The following RASSF5 variants were observed in gnomAD, a reference collection of about 807,000 sequenced individuals.
The protein encoded by RASSF5 is Ras association domain family member 5, also known as ras association domain-containing protein 5.
RASSF5 carries 25 observed loss-of-function variants against 40.5 expected under a neutral mutation model. The ratio of observed to expected loss-of-function variants is 0.62; its 90% CI spans 0.45 to 0.86. The LOEUF is 0.86. Among genes scored for constraint, RASSF5 ranks in the 40% least tolerant of loss-of-function variants. RASSF5 has a pLI of 0.00. For missense variants in RASSF5, 521 were observed against 572.8 expected (o/e 0.91, Z 0.92); for synonymous variants, 246 against 252.4 (o/e 0.97, Z 0.24).
rs1666510640 is a variant in RASSF5, at chr1:206,508,042, A to C, written c.440A>C (p.Gln147Pro). 1 of 1,413,550 alleles carries C rather than the reference A, an allele frequency of 7.1e-7. No homozygotes were observed. 87.6% of individuals were successfully genotyped at this position (1,413,550 alleles called of 1,614,324 possible). ...CTGTGCGGACGAGAGGTGCTGCGGC[A>C]GGCGCTGCGCTGCACTAGTAAGTGT... ...CDLCGREVLR[Q>P]ALRCTNCKFT... Residue 147 changes from glutamine to proline, a missense_variant, in exon 1 of 6, where the codon CAG becomes CCG. This residue lies in a region of RASSF5 where 284 missense variants were observed against 360.8 expected (regional missense o/e 0.79). Coordinates refer to ENST00000579436, the MANE Select transcript of RASSF5 (RefSeq NM_182663.4).
chr1:206,546,980 T>A (rs1428267799), intron 2 of RASSF5, among the ~76,000 whole-genome samples: 2 of 152,140 alleles, frequency 1.3e-5, no homozygotes, highest in African/African-American at 4.8e-5. Flanking sequence ...ATGTATAGTA[T>A]AAAACCCTGG....
At chr1:206,546,116 T>TGGG (rs1667685954) in intron 2 of RASSF5, among the ~76,000 whole-genome samples, 1 of 39,588 alleles carries the variant, frequency 2.5e-5, no homozygotes. Flanking sequence ...TTTTTTTTTT[T>TGGG]TTTTTTTTTT....
intron 1 of RASSF5, among the ~76,000 whole-genome samples, chr1:206,526,269 A>AGTGTGCGTGTGTGTGTGT (rs1553397196): frequency 2.1e-5 from 3 of 143,034 alleles, no homozygotes; most frequent in African/African-American, 8.0e-5. Context: ...GCTTTCTGGC[A>AGTGTGCGTGTGTGTGTGT]GTGTGTGTGT....
intron 2 of RASSF5, among the ~76,000 whole-genome samples, chr1:206,570,815 G>A (rs1422240312): frequency 6.6e-6 from 1 of 152,082 alleles, no homozygotes; most frequent in Non-Finnish European, 1.5e-5. Context: ...GGACACTTGG[G>A]TTTCATCCAT....
At chr1:206,557,423 G>C in intron 2 of RASSF5, 1 of 1,412,976 alleles carries the variant, frequency 7.1e-7, no homozygotes, top group Admixed American at 3.0e-5. Context: ...GGCTCTGCCT[G>C]GTCCGCTACC....
chr1:206,586,536 A>T, intron 5 of RASSF5: 3 of 280,610 alleles, frequency 1.1e-5, no homozygotes, highest in Non-Finnish European at 2.0e-5. Context: ...CATCACTGTC[A>T]AGATCTCGGC....
intron 1 of RASSF5, among the ~76,000 whole-genome samples, chr1:206,525,477 TAGC>T (rs1667075765): frequency 6.6e-6 from 1 of 152,178 alleles, no homozygotes; most frequent in Non-Finnish European, 1.5e-5. Flanking sequence ...GGACCGATCA[TAGC>T]TCATTACAAG....
chr1:206,584,394 A>G lies in RASSF5; in HGVS notation c.698A>G (p.Asp233Gly). 6.2e-7 allele frequency: 1 copy of G among 1,611,126 alleles called. No individual in the cohort carries two copies. Among genetic ancestry groups the G allele is most frequent in the Non-Finnish European group, 8.5e-7 (1 of 1,178,030 alleles). Residue 233 changes from aspartate (D) to glycine (G), a missense_variant, in exon 4 of 6, where the codon GAC (aspartate) becomes GGC (glycine). Transcript: ENST00000579436. This position sits in a 1 kb window ranked among gnomAD's most constrained non-coding sequence, Gnocchi z 4.9. ...KNCLGMKLSEDGTYTGFIKVH... is the reference protein window; with the variant it reads ...KNCLGMKLSEGGTYTGFIKVH... ...ACATGCCCCCGCTGGCAGAGTGAAG[A>G]CGGCACCTACACGGGTTTCATCAAA...
chr1:206,557,333 C>T, intron 2 of RASSF5: 1 of 1,280,200 alleles, frequency 7.8e-7, no homozygotes, highest in Non-Finnish European at 9.9e-7. Flanking sequence ...TCTGCAGGCG[C>T]AGGCGGCGCG....
At chr1:206,534,702 T>C (rs2103520169) in intron 1 of RASSF5, among the ~76,000 whole-genome samples, 1 of 152,250 alleles carries the variant, frequency 6.6e-6, no homozygotes, top group Middle Eastern at 3.4e-3. Flanking sequence ...CTGTTGTTAG[T>C]TATCTTTTCA....
intron 2 of RASSF5, among the ~76,000 whole-genome samples, chr1:206,547,923 C>G (rs1667738521): frequency 6.6e-6 from 1 of 152,060 alleles, no homozygotes; most frequent in African/African-American, 2.4e-5. Context: ...GAAGGACTTT[C>G]TTTAACATTT....
chr1:206,559,614 CT>C (rs1668083117), intron 2 of RASSF5, among the ~76,000 whole-genome samples: 1 of 152,198 alleles, frequency 6.6e-6, no homozygotes. Context: ...CTTGAGGCCT[CT>C]GTATATCTTC....
At chr1:206,578,493 G>C (rs1045620446) in intron 2 of RASSF5, among the ~76,000 whole-genome samples, 2 of 152,176 alleles carry the variant, frequency 1.3e-5, no homozygotes, top group African/African-American at 4.8e-5. Flanking sequence ...GGGCTGGAGT[G>C]ATCAGGAAGA....
intron 1 of RASSF5, among the ~76,000 whole-genome samples, chr1:206,508,465 T>A (rs987292034): frequency 1.4e-4 from 22 of 152,162 alleles, no homozygotes; most frequent in Non-Finnish European, 2.5e-4. Context: ...GTTGTGAGAC[T>A]GCTGTTGAGA....
chr1:206,527,657 T>G (rs1273650383), intron 1 of RASSF5, among the ~76,000 whole-genome samples: 3 of 152,020 alleles, frequency 2.0e-5, no homozygotes, highest in African/African-American at 7.2e-5. Context: ...TCCCAGGCCC[T>G]CCAAAGACAG....
At chr1:206,551,038 A>C (rs10779473) in intron 2 of RASSF5, among the ~76,000 whole-genome samples, 127,627 of 152,202 alleles carry the variant, frequency 0.84, 53,681 homozygotes, top group East Asian at 1. Flanking sequence ...ATATTGACAG[A>C]ATCTTTTGTT....
chr1:206,518,087 C>T (rs533343109), intron 1 of RASSF5, among the ~76,000 whole-genome samples: 1 of 152,188 alleles, frequency 6.6e-6, no homozygotes, highest in Non-Finnish European at 1.5e-5. Context: ...GACTCACAGG[C>T]GCGACTGAGA....
intron 3 of RASSF5, 94 bp downstream of exon 3, chr1:206,583,473 C>G (rs1487015866): frequency 1.4e-5 from 12 of 843,890 alleles, no homozygotes; most frequent in Non-Finnish European, 2.4e-5. Context: ...TGGCTACTCC[C>G]TGGCAGGTCC....
chr1:206,565,111 T>C lies in RASSF5; in HGVS notation c.580-18158T>C, dbSNP rs552778920. Among the ~76,000 whole-genome samples, 28 of 152,298 alleles carry C rather than the reference T, an allele frequency of 1.8e-4. No individual in the cohort carries two copies. In the South Asian group the frequency reaches 5.8e-3, roughly 32 times the overall value. ...CCAGAACCAACTCATAACTCATTTA[T>C]TTCTCTGTCTCTGCCCCACCCTCCT... On this transcript the variant is annotated intron_variant, in intron 2 of 5. Coordinates refer to ENST00000579436, the MANE Select transcript of RASSF5 (RefSeq NM_182663.4).
Sources: allele counts gnomAD v4.1 joint callset (sites outside exome capture counted in the v4.1 genomes callset), GRCh38; gene constraint gnomAD v4.1.1; regional missense constraint gnomAD v4.1.1; non-coding constraint Gnocchi (gnomAD v3.1); transcripts MANE v1.5; gene names NCBI Gene and HGNC (gene_info 2026-07-23, HGNC 2026-07-21).